Variants in KCNQ1 observed in about 807,000 individuals in gnomAD.
The protein encoded by KCNQ1 is potassium voltage-gated channel subfamily KQT member 1.
In KCNQ1, 49 loss-of-function variants were observed where a neutral mutation model predicts 72.4. The ratio of observed to expected loss-of-function variants is 0.68; its 90% CI spans 0.54 to 0.86. KCNQ1 has a LOEUF of 0.86. Ranked by LOEUF, KCNQ1 falls within the 40% of genes least tolerant of loss-of-function variation. KCNQ1 has a pLI of 0.00. For synonymous variants in KCNQ1, 450 were observed against 412.6 expected (o/e 1.09, Z -1.10); for missense variants, 790 against 945.1 (o/e 0.84, Z 2.15).
At chr11:2,557,429 A>G (rs985870886) in intron 2 of KCNQ1, among the ~76,000 whole-genome samples, 5 of 152,254 alleles carry the variant, frequency 3.3e-5, no homozygotes, top group African/African-American at 1.2e-4. Context: ...TAAATGTTGT[A>G]ATCATGAGCA....
intron 11 of KCNQ1, among the ~76,000 whole-genome samples, chr11:2,701,221 T>G (rs1590041759): frequency 6.6e-6 from 1 of 151,768 alleles, no homozygotes; most frequent in Admixed American, 6.6e-5. Context: ...GGGTTGGGGG[T>G]TTTGTTGTTC....
rs891718553 is a variant in KCNQ1, at chr11:2,659,734, A to G, written c.1394-2227A>G. On this transcript the variant is annotated intron_variant, in intron 10 of 15. Transcript: ENST00000155840. The surrounding 1 kb of genome is among the most constrained non-coding windows in gnomAD (Gnocchi z 4.3). ...CACCAGTAACATATGAGAGTTCTAC[A>G]TGTTCCACATCCTCAAGAGTGGTTG... The G allele has an allele frequency of 5.0e-6, 2 of 398,412 alleles. No homozygotes were observed. Among genetic ancestry groups the G allele is most frequent in the Non-Finnish European group, 8.8e-6 (2 of 226,024 alleles). The allele number at this position is 398,412 out of a possible 1,614,324, so 24.7% of individuals were successfully genotyped here.
rs545873834 is a variant in KCNQ1, at chr11:2,769,608, A to G, written c.1590+689A>G. ...CTCCTGCCTTGGGGACATTCCTCGG[A>G]TGAAGGCGGTGGTGGGGGGTACTGA... On this transcript the variant is annotated intron_variant, in intron 12 of 15. Transcript: ENST00000155840. The surrounding 1 kb of genome is among the most constrained non-coding windows in gnomAD (Gnocchi z 4.6). Among the ~76,000 whole-genome samples, 1 of 152,306 alleles carries G rather than the reference A, an allele frequency of 6.6e-6. No homozygotes were observed. The highest frequency in any genetic ancestry group is 2.1e-4 in the South Asian group (1 of 4,826).
chr11:2,823,795 G>A (rs1475922510), intron 15 of KCNQ1, among the ~76,000 whole-genome samples: 2 of 152,060 alleles, frequency 1.3e-5, no homozygotes, highest in East Asian at 1.9e-4. Flanking sequence ...CTCTGTGGGG[G>A]ACCCAGGCAG....
chr11:2,742,601 G>T (rs1249598900), intron 11 of KCNQ1, among the ~76,000 whole-genome samples: 2 of 152,216 alleles, frequency 1.3e-5, no homozygotes, highest in Non-Finnish European at 2.9e-5. Flanking sequence ...CCTGGCAGGG[G>T]AATGTTTACC....
rs905150170 is a variant in KCNQ1, at chr11:2,559,688, G to A, written c.478-10940G>A. Among the ~76,000 whole-genome samples, 3 of 152,174 alleles carry A rather than the reference G, an allele frequency of 2.0e-5. No homozygotes were observed. Among genetic ancestry groups the A allele is most frequent in the East Asian group, 3.9e-4 (2 of 5,174 alleles). Reference sequence around the variant, plus strand: ...GTGGGGCTAGTTCTGGAGGGAAAGCGGCCTCGTGCCTCCCAGAGTCACCCC... The same window carrying A: ...GTGGGGCTAGTTCTGGAGGGAAAGCAGCCTCGTGCCTCCCAGAGTCACCCC... On this transcript the variant is annotated intron_variant, in intron 2 of 15. Transcript: ENST00000155840. The surrounding 1 kb of genome is among the most constrained non-coding windows in gnomAD (Gnocchi z 4.9).
intron 1 of KCNQ1, among the ~76,000 whole-genome samples, chr11:2,506,212 C>T (rs942988730): frequency 6.6e-6 from 1 of 152,166 alleles, no homozygotes; most frequent in African/African-American, 2.4e-5. Flanking sequence ...TACATTTATA[C>T]CTTTGACCCA....
chr11:2,739,109 G>A (rs777501833), intron 11 of KCNQ1, among the ~76,000 whole-genome samples: 1 of 152,194 alleles, frequency 6.6e-6, no homozygotes, highest in Non-Finnish European at 1.5e-5. Flanking sequence ...CCTGTCCTGG[G>A]GTGGCCTTGA....
At chr11:2,572,409 A>G (rs954913358) in intron 5 of KCNQ1, among the ~76,000 whole-genome samples, 1 of 152,142 alleles carries the variant, frequency 6.6e-6, no homozygotes, top group African/African-American at 2.4e-5. Context: ...ACCCAGGCAA[A>G]TCAAGGACCC....
In KCNQ1 at chr11:2,673,256, T is replaced by G. The variant is rs1159305943; in HGVS notation, c.1514+11175T>G. ...ATTCTGGGGACTGGGTGATGCAGAC[T>G]GCAAAGCCTCAGCCACCTTCTCCCC... On this transcript the variant is annotated intron_variant, in intron 11 of 15. Transcript: ENST00000155840. This position sits in a 1 kb window ranked among gnomAD's most constrained non-coding sequence, Gnocchi z 4.5. 5.0e-6 allele frequency: 2 copies of G among 398,554 alleles called. No individual in the cohort carries two copies. The highest frequency in any genetic ancestry group is 2.1e-5 in the African/African-American group (1 of 48,630). 24.7% of individuals were successfully genotyped at this position (398,554 alleles called of 1,614,324 possible).
chr11:2,573,313 G>A (rs547501792), intron 6 of KCNQ1, among the ~76,000 whole-genome samples: 6 of 152,248 alleles, frequency 3.9e-5, no homozygotes, highest in East Asian at 1.9e-4. Flanking sequence ...TCCCGCCATC[G>A]TCCTAGGTTG....
At position 2,495,856 on chromosome 11, in the gene KCNQ1, C is replaced by T. The variant is rs1258118878; in HGVS notation, c.387-32072C>T. The stretch of plus-strand genomic sequence containing the variant: ...GTTCTGTAGATGTCTATTAGGTCCG[C>T]TTGGTCCAGAGCTGAGTTCAAGTCC... On this transcript the variant is annotated intron_variant, in intron 1 of 15. Coordinates refer to ENST00000155840, the MANE Select transcript of KCNQ1 (RefSeq NM_000218.3). The surrounding 1 kb of genome is among the most constrained non-coding windows in gnomAD (Gnocchi z 4.6). 1.3e-5 allele frequency among the ~76,000 whole-genome samples: 2 copies of T among 152,184 alleles called. No homozygotes were observed. The highest frequency in any genetic ancestry group is 2.9e-5 in the Non-Finnish European group (2 of 68,046).
Position 2,682,921 on chromosome 11 carries a change from G to A in KCNQ1, c.1514+20840G>A, listed in dbSNP as rs1850423000. On this transcript the variant is annotated intron_variant, in intron 11 of 15. Coordinates refer to ENST00000155840, the MANE Select transcript of KCNQ1 (RefSeq NM_000218.3). This position sits in a 1 kb window ranked among gnomAD's most constrained non-coding sequence, Gnocchi z 5.8. ...ACAGAAAATGGTGGCACCTGGAGAG[G>A]TGCTCAGGTCTGTGTGGAAGAAAGG... The A allele has an allele frequency of 5.0e-6, 2 of 398,618 alleles. No individual in the cohort carries two copies. Among genetic ancestry groups the A allele is most frequent in the Admixed American group, 8.8e-5 (2 of 22,740 alleles). 24.7% of individuals were successfully genotyped at this position (398,618 alleles called of 1,614,324 possible). A position where few individuals can be genotyped will look rare whatever the true frequency, so the allele number is the denominator to read the frequency against.
intron 10 of KCNQ1, chr11:2,628,934 G>A (rs1219600665): frequency 5.0e-6 from 2 of 398,010 alleles, no homozygotes; most frequent in East Asian, 3.6e-5. Flanking sequence ...TAAATGTGTG[G>A]GTTTATTTCT....
At chr11:2,535,860 C>T (rs1157905944) in intron 2 of KCNQ1, among the ~76,000 whole-genome samples, 2 of 152,246 alleles carry the variant, frequency 1.3e-5, no homozygotes, top group African/African-American at 2.4e-5. Flanking sequence ...GGCGCTGCTG[C>T]TCCCCGGAGG....
Position 2,484,523 on chromosome 11 carries a change from A to G in KCNQ1, c.386+39039A>G, listed in dbSNP as rs1402519731. ...GCTTTTGCCCCAGAAACAACCTTCC[A>G]TTCAGCTTCCATGCCCCTTTGGTGG... On this transcript the variant is annotated intron_variant, in intron 1 of 15. Transcript: ENST00000155840. This position sits in a 1 kb window ranked among gnomAD's most constrained non-coding sequence, Gnocchi z 5.2. Among the ~76,000 whole-genome samples, 1 of 152,112 alleles carries G rather than the reference A, an allele frequency of 6.6e-6. No homozygotes were observed. The highest frequency in any genetic ancestry group is 1.5e-5 in the Non-Finnish European group (1 of 68,000).
chr11:2,472,735 C>T (rs1846506662), intron 1 of KCNQ1, among the ~76,000 whole-genome samples: 1 of 152,064 alleles, frequency 6.6e-6, no homozygotes, highest in East Asian at 1.9e-4. Context: ...TGCCCATTGT[C>T]AGGCTCCTTC....
intron 1 of KCNQ1, among the ~76,000 whole-genome samples, chr11:2,510,709 C>A (rs1331218992): frequency 2.6e-5 from 4 of 152,244 alleles, no homozygotes; most frequent in Non-Finnish European, 4.4e-5. Context: ...TCCAGCTGGT[C>A]TCTGAGGCCC....
chr11:2,586,412 C>T (rs949997113), intron 8 of KCNQ1, among the ~76,000 whole-genome samples: 2 of 152,202 alleles, frequency 1.3e-5, no homozygotes, highest in South Asian at 2.1e-4. Context: ...AAATCAGGCC[C>T]GTAAACCCGC....
Sources: gnomAD v4.1 joint callset for allele counts (sites outside exome capture counted in the v4.1 genomes callset) on GRCh38, gnomAD v4.1.1 for gene constraint, Gnocchi (gnomAD v3.1) non-coding constraint, MANE v1.5 for transcripts, NCBI Gene and HGNC (gene_info 2026-07-23, HGNC 2026-07-21) for gene names.